Variants in TAFA5 observed in about 807,000 individuals in gnomAD.
TAFA5 encodes the protein chemokine-like protein TAFA-5.
TAFA5 carries 6 observed loss-of-function variants against 15.3 expected under a neutral mutation model. The ratio of observed to expected loss-of-function variants is 0.39; its 90% CI spans 0.21 to 0.77. The LOEUF is 0.77. TAFA5 is among the 30% of genes least tolerant of loss of function. The pLI is 0.41. For missense variants in TAFA5, 161 were observed against 193.1 expected, an observed-to-expected ratio of 0.83 and a Z score of 0.98; for synonymous variants, 103 against 80.7, an observed-to-expected ratio of 1.28 and a Z score of -1.48.
chr22:48,511,237 C>T (rs1407507481), intron 1 of TAFA5, among the ~76,000 whole-genome samples: 1 of 152,212 alleles, frequency 6.6e-6, no homozygotes, highest in African/African-American at 2.4e-5. Context: ...GCCCTGGTCA[C>T]CACCTGCCAG....
At chr22:48,710,046 C>G (rs907813889) in intron 3 of TAFA5, among the ~76,000 whole-genome samples, 1 of 152,230 alleles carries the variant, frequency 6.6e-6, no homozygotes, top group Non-Finnish European at 1.5e-5. Flanking sequence ...ACCACCCCCT[C>G]TACCTTGCTT....
intron 2 of TAFA5, among the ~76,000 whole-genome samples, chr22:48,676,105 C>T (rs557974586): frequency 2.0e-5 from 3 of 152,360 alleles, no homozygotes; most frequent in African/African-American, 7.2e-5. Flanking sequence ...CCAGAGGGCT[C>T]ACAGGCAGCC....
At chr22:48,510,346 C>CA (rs377505798) in intron 1 of TAFA5, among the ~76,000 whole-genome samples, 116 of 152,092 alleles carry the variant, frequency 7.6e-4, no homozygotes, top group African/African-American at 2.7e-3. Context: ...AACTCAACAG[C>CA]AAAAAAACCC....
chr22:48,506,721 G>C (rs549999828), intron 1 of TAFA5, among the ~76,000 whole-genome samples: 13 of 152,300 alleles, frequency 8.5e-5, no homozygotes, highest in African/African-American at 2.2e-4. Context: ...CAGGGCACAC[G>C]GCAAATGGAC....
At chr22:48,734,798 TG>T (rs1215440203) in intron 3 of TAFA5, among the ~76,000 whole-genome samples, 4 of 152,200 alleles carry the variant, frequency 2.6e-5, no homozygotes, top group Non-Finnish European at 5.9e-5. Context: ...TCAGTGAGGA[TG>T]GGACAGGGTC....
chr22:48,749,816 C>CT (rs1491367698), intron 3 of TAFA5, 23 bp from the exon 4 acceptor site: 2 of 1,502,922 alleles, frequency 1.3e-6, no homozygotes, highest in Admixed American at 3.9e-5. Context: ...GAGGCTCACC[C>CT]TCTCTCTCTC....
intron 1 of TAFA5, among the ~76,000 whole-genome samples, chr22:48,515,465 G>T (rs1377499801): frequency 6.6e-6 from 1 of 152,154 alleles, no homozygotes; most frequent in Non-Finnish European, 1.5e-5. Context: ...CTCCTTCAGT[G>T]CCTTGACCTC....
chr22:48,638,771 C>A (rs1255703950), intron 1 of TAFA5, among the ~76,000 whole-genome samples: 1 of 108,042 alleles, frequency 9.3e-6, no homozygotes, highest in Non-Finnish European at 1.8e-5. Flanking sequence ...GGACCCCCCC[C>A]ATCCCCCGAC....
At chr22:48,498,693 G>C (rs1453733686) in intron 1 of TAFA5, among the ~76,000 whole-genome samples, 1 of 152,102 alleles carries the variant, frequency 6.6e-6, no homozygotes, top group Non-Finnish European at 1.5e-5. Context: ...ACATGGCGGG[G>C]CTTTGCGAGC....
At chr22:48,688,581 G>T (rs537579466) in intron 2 of TAFA5, among the ~76,000 whole-genome samples, 5 of 152,266 alleles carry the variant, frequency 3.3e-5, no homozygotes, top group Admixed American at 6.5e-5. Context: ...CTGCTCGGGG[G>T]ACGGTGGCTT....
intron 1 of TAFA5, among the ~76,000 whole-genome samples, chr22:48,519,650 C>A (rs374686512): frequency 3.7e-4 from 56 of 152,298 alleles, no homozygotes; most frequent in African/African-American, 1.3e-3. Flanking sequence ...AGCAGCTCAG[C>A]TGAAACTGGG....
At chr22:48,497,260 G>T (rs924372170) in intron 1 of TAFA5, among the ~76,000 whole-genome samples, 3 of 152,238 alleles carry the variant, frequency 2.0e-5, no homozygotes, top group South Asian at 2.1e-4. Flanking sequence ...GAGGGAGGAC[G>T]CAGGGAGGAG....
At chr22:48,517,541 G>C (rs557685971) in intron 1 of TAFA5, among the ~76,000 whole-genome samples, 1 of 152,342 alleles carries the variant, frequency 6.6e-6, no homozygotes, top group Admixed American at 6.5e-5. Flanking sequence ...CCTGGCCCCG[G>C]GCTGTGGAGC....
chr22:48,546,565 C>T (rs1922679399), intron 1 of TAFA5: 1 of 471,020 alleles, frequency 2.1e-6, no homozygotes, highest in Non-Finnish European at 4.4e-6. Flanking sequence ...ATGTGGACTG[C>T]TGAGCAAGGG....
intron 1 of TAFA5, among the ~76,000 whole-genome samples, chr22:48,592,151 G>A (rs899226720): frequency 6.6e-6 from 1 of 152,202 alleles, no homozygotes; most frequent in Non-Finnish European, 1.5e-5. Context: ...TTGCTGTTGT[G>A]GTCAGTGACC....
At chr22:48,563,114 C>T (rs990155957) in intron 1 of TAFA5, among the ~76,000 whole-genome samples, 2 of 152,222 alleles carry the variant, frequency 1.3e-5, no homozygotes, top group African/African-American at 4.8e-5. Context: ...ATTTAGCAAA[C>T]AGTGCCGGCC....
Position 48,550,939 on chromosome 22 carries a change from G to T in TAFA5, c.112+61235G>T, listed in dbSNP as rs994664525. Among the ~76,000 whole-genome samples the T allele has an allele frequency of 5.3e-5, 8 of 151,938 alleles. No individual in the cohort carries two copies. The highest frequency in any genetic ancestry group is 1.9e-4 in the African/African-American group (8 of 41,394). Reference sequence around the variant, plus strand: ...TTGGGGCATCGTAAGATGGGCTGCTGTGGTGTCCCCTCCCCACCAGGGCTG... The same window carrying T: ...TTGGGGCATCGTAAGATGGGCTGCTTTGGTGTCCCCTCCCCACCAGGGCTG... On this transcript the variant is annotated intron_variant, in intron 1 of 3. Transcript: ENST00000402357. The surrounding 1 kb of genome is among the most constrained non-coding windows in gnomAD (Gnocchi z 4.1).
chr22:48,559,734 G>A (rs915581308), intron 1 of TAFA5, among the ~76,000 whole-genome samples: 14 of 152,174 alleles, frequency 9.2e-5, no homozygotes, highest in Admixed American at 8.5e-4. Context: ...TGAGGGCACA[G>A]CCCGAGCCAG....
At chr22:48,708,635 C>T (rs1929157699) in intron 3 of TAFA5, among the ~76,000 whole-genome samples, 1 of 152,244 alleles carries the variant, frequency 6.6e-6, no homozygotes, top group Non-Finnish European at 1.5e-5. Context: ...GGCACCCCCT[C>T]ATCCTGGCTG....
Sources: gnomAD v4.1 joint callset for allele counts (sites outside exome capture counted in the v4.1 genomes callset) on GRCh38, gnomAD v4.1.1 for gene constraint, Gnocchi (gnomAD v3.1) non-coding constraint, MANE v1.5 for transcripts, NCBI Gene and HGNC (gene_info 2026-07-23, HGNC 2026-07-21) for gene names.